Variants in TRAF3 observed in about 807,000 individuals in gnomAD.
The protein encoded by TRAF3 is TNF receptor-associated factor 3.
TRAF3 carries 13 observed loss-of-function variants against 62.3 expected under a neutral mutation model. The observed-to-expected ratio is 0.21, with a 90% CI of 0.14 to 0.33. The LOEUF is 0.33. Among genes scored for constraint, TRAF3 ranks in the 10% least tolerant of loss-of-function variants. The pLI is 1.00. For synonymous variants in TRAF3, 269 were observed against 283.4 expected (o/e 0.95, Z 0.51); for missense variants, 440 against 741.8 (o/e 0.59, Z 4.73).
chr14:102,901,729 A>G (rs563090171), intron 10 of TRAF3, among the ~76,000 whole-genome samples: 27 of 152,354 alleles, frequency 1.8e-4, no homozygotes, highest in Non-Finnish European at 2.8e-4. Context: ...GAAGAATAAC[A>G]CTGCTTTTAC....
At chr14:102,804,245 G>C (rs1413765503) in intron 1 of TRAF3, among the ~76,000 whole-genome samples, 1 of 151,852 alleles carries the variant, frequency 6.6e-6, no homozygotes, top group East Asian at 1.9e-4. Context: ...GTGTGTCTAC[G>C]CAGACTCCCT....
In TRAF3 at chr14:102,897,272, G is replaced by C; in HGVS notation, c.831G>C (p.Leu277Phe). 6.2e-7 allele frequency: 1 copy of C among 1,612,846 alleles called. No homozygotes were observed. The highest frequency in any genetic ancestry group is 8.5e-7 in the Non-Finnish European group (1 of 1,179,506). ...SNSLEKKVSL[L>F]QNESVEKNKS... is the part of the protein sequence containing the mutation. ...AATTTCTTTTTTAGGTTTCCTTGTT[G>C]CAGAATGAAAGTGTAGAAAAAAACA... The change falls in exon 10 of 12, where the codon TTG (leucine) becomes TTC (phenylalanine). Residue 277 changes from leucine to phenylalanine, a missense_variant. This residue lies in a region of TRAF3 where 255 missense variants were observed against 424.1 expected (regional missense o/e 0.60). Transcript: ENST00000392745.
At chr14:102,890,610 T>A (rs1324951895) in intron 8 of TRAF3, among the ~76,000 whole-genome samples, 1 of 152,242 alleles carries the variant, frequency 6.6e-6, no homozygotes, top group African/African-American at 2.4e-5. Flanking sequence ...TGGAGATCAT[T>A]AAAATGCTTT....
chr14:102,820,216 G>A (rs747252864), intron 1 of TRAF3, among the ~76,000 whole-genome samples: 4 of 152,132 alleles, frequency 2.6e-5, no homozygotes, highest in Admixed American at 6.5e-5. Flanking sequence ...AGGGTCAAAT[G>A]TGTCCCTCTC....
Position 102,903,610 on chromosome 14 carries a change from A to G in TRAF3, c.1135+181A>G, listed in dbSNP as rs1890420437. The G allele has an allele frequency of 1.1e-6, 1 of 916,294 alleles. No individual in the cohort carries two copies. Among genetic ancestry groups the G allele is most frequent in the Non-Finnish European group, 1.7e-6 (1 of 583,072 alleles). The allele number at this position is 916,294 out of a possible 1,614,324, so 56.8% of individuals were successfully genotyped here. On this transcript the variant is annotated intron_variant, in intron 11 of 11. Transcript: ENST00000392745. The surrounding 1 kb of genome is among the most constrained non-coding windows in gnomAD (Gnocchi z 6.4). ...ACTGAAAGTCCCCCAGCAAAGACAAACGTTTCCCGCGCAGGCTTGTCCCCT... is the reference window on the plus strand; with the variant it reads ...ACTGAAAGTCCCCCAGCAAAGACAAGCGTTTCCCGCGCAGGCTTGTCCCCT...
At chr14:102,807,350 A>C (rs1054972109) in intron 1 of TRAF3, among the ~76,000 whole-genome samples, 1 of 151,978 alleles carries the variant, frequency 6.6e-6, no homozygotes. Context: ...TCCTTTCTCC[A>C]GGGGCCTGGG....
At chr14:102,899,694 C>G (rs974977095) in intron 10 of TRAF3, among the ~76,000 whole-genome samples, 2 of 152,142 alleles carry the variant, frequency 1.3e-5, no homozygotes, top group African/African-American at 4.8e-5. Context: ...TTGTCTGATT[C>G]TCCAGTAGAC....
chr14:102,813,438 T>TTTTTC (rs975924678), intron 1 of TRAF3, among the ~76,000 whole-genome samples: 86 of 150,188 alleles, frequency 5.7e-4, no homozygotes, highest in African/African-American at 1.8e-3. Flanking sequence ...TGCCCCGGCT[T>TTTTTC]TTTTCTTTTC....
At position 102,908,009 on chromosome 14, in the gene TRAF3, G is replaced by T. The variant is rs985854896; in HGVS notation, c.*2225G>T. 4 of 152,244 alleles carry T rather than the reference G, an allele frequency of 2.6e-5. No homozygotes were observed. The highest frequency in any genetic ancestry group is 7.2e-5 in the African/African-American group (3 of 41,448). 9.4% of individuals were successfully genotyped at this position (152,244 alleles called of 1,614,324 possible). A position where few individuals can be genotyped will look rare whatever the true frequency, so the allele number is the denominator to read the frequency against. ...CCTGCCCTCAGGTAGTTTTCCTGAG[G>T]CCAGGGGTTAACAACAGGGACATCC... On this transcript the variant is annotated 3_prime_UTR_variant, in exon 12 of 12. Transcript: ENST00000392745.
chr14:102,793,200 G>A (rs554555340), intron 1 of TRAF3, among the ~76,000 whole-genome samples: 4 of 152,256 alleles, frequency 2.6e-5, no homozygotes, highest in East Asian at 3.9e-4. Flanking sequence ...TGCCCAGGTT[G>A]GAGTGTAGTG....
chr14:102,859,555 C>T (rs971710326), intron 2 of TRAF3, among the ~76,000 whole-genome samples: 1 of 152,196 alleles, frequency 6.6e-6, no homozygotes, highest in African/African-American at 2.4e-5. Context: ...AAGCGTTTAG[C>T]AAACCTAAAA....
chr14:102,880,936 G>C (rs1889015541), intron 6 of TRAF3, among the ~76,000 whole-genome samples: 1 of 152,148 alleles, frequency 6.6e-6, no homozygotes, highest in South Asian at 2.1e-4. Flanking sequence ...AATGAGCCGG[G>C]TGTGGTGGCA....
intron 6 of TRAF3, among the ~76,000 whole-genome samples, chr14:102,884,619 G>A (rs1190446487): frequency 6.6e-6 from 1 of 152,090 alleles, no homozygotes; most frequent in African/African-American, 2.4e-5. Flanking sequence ...AGACCAGCCT[G>A]GCCAACATGG....
chr14:102,889,248 T>C (rs1454885053), intron 7 of TRAF3, among the ~76,000 whole-genome samples: 2 of 152,244 alleles, frequency 1.3e-5, no homozygotes, highest in East Asian at 1.9e-4. Flanking sequence ...CATTTCAGTT[T>C]ATGTTTTTTC....
chr14:102,889,493 C>T, intron 7 of TRAF3, 67 bp from the exon 8 acceptor site: 1 of 1,495,204 alleles, frequency 6.7e-7, no homozygotes, highest in Non-Finnish European at 9.3e-7. Flanking sequence ...GCTATCTGTG[C>T]CCTAATATGT....
chr14:102,812,622 G>A (rs557260833), intron 1 of TRAF3, among the ~76,000 whole-genome samples: 6 of 152,150 alleles, frequency 3.9e-5, no homozygotes, highest in Non-Finnish European at 7.3e-5. Flanking sequence ...TAGTGTGTAA[G>A]AGTTGCCTTT....
rs1038974727 is a variant in TRAF3, at chr14:102,908,607, C to T, written c.*2823C>T. Reference sequence around the variant, plus strand: ...ATCGGCCCTCCCCGCATCACAGGGCCCTGGCAGCAAGCGGGAAATGGGGGC... The same window carrying T: ...ATCGGCCCTCCCCGCATCACAGGGCTCTGGCAGCAAGCGGGAAATGGGGGC... On this transcript the variant is annotated 3_prime_UTR_variant, in exon 12 of 12. Transcript: ENST00000392745. 2 of 152,518 alleles carry T rather than the reference C, an allele frequency of 1.3e-5. No homozygotes were observed. The highest frequency in any genetic ancestry group is 2.9e-5 in the Non-Finnish European group (2 of 68,294). The allele number at this position is 152,518 out of a possible 1,614,324, so 9.4% of individuals were successfully genotyped here. A position where few individuals can be genotyped will look rare whatever the true frequency, so the allele number is the denominator to read the frequency against.
intron 1 of TRAF3, among the ~76,000 whole-genome samples, chr14:102,782,875 G>T (rs1028269169): frequency 6.6e-6 from 1 of 152,124 alleles, no homozygotes; most frequent in African/African-American, 2.4e-5. Context: ...ATTTCTTTAA[G>T]TGGAAAGAAA....
Position 102,806,641 on chromosome 14 carries a change from A to C in TRAF3, c.-156-23693A>C, listed in dbSNP as rs9783644. 7.9e-3 allele frequency among the ~76,000 whole-genome samples: 1,210 copies of C among 152,226 alleles called. 20 individuals are homozygous for C. The highest frequency in any genetic ancestry group is 0.028 in the African/African-American group (1,144 of 41,528). On this transcript the variant is annotated intron_variant, in intron 1 of 11. Transcript: ENST00000392745. ...GTACCAGGGCATGGCAGGAAATGAT[A>C]TGGGCAGCTCCCTGTAGTCATGAGG...
Sources: allele counts gnomAD v4.1 joint callset (sites outside exome capture counted in the v4.1 genomes callset), GRCh38; gene constraint gnomAD v4.1.1; regional missense constraint gnomAD v4.1.1; non-coding constraint Gnocchi (gnomAD v3.1); transcripts MANE v1.5; gene names NCBI Gene and HGNC (gene_info 2026-07-23, HGNC 2026-07-21).